Variants in RABGAP1L observed in about 807,000 individuals in gnomAD.
The protein encoded by RABGAP1L is rab GTPase-activating protein 1-like.
In RABGAP1L, 63 loss-of-function variants were observed where a neutral mutation model predicts 137.7. The ratio of observed to expected loss-of-function variants is 0.46; its 90% CI spans 0.37 to 0.56. RABGAP1L has a LOEUF of 0.56. RABGAP1L is among the 20% of genes least tolerant of loss of function. The pLI, the probability that RABGAP1L is intolerant of heterozygous loss-of-function variation, is 0.00. For synonymous variants in RABGAP1L, 431 were observed against 433.7 expected (o/e 0.99, Z 0.08); for missense variants, 1,095 against 1,244.0 (o/e 0.88, Z 1.80).
chr1:174,473,339 A>G (rs1476865774), intron 13 of RABGAP1L, among the ~76,000 whole-genome samples: 3 of 152,108 alleles, frequency 2.0e-5, no homozygotes. Flanking sequence ...CACAATCCCA[A>G]AGCTTTCCTA....
chr1:174,799,866 C>T (rs1688571854), intron 18 of RABGAP1L: 1 of 987,852 alleles, frequency 1.0e-6, no homozygotes, highest in Non-Finnish European at 1.2e-6. Flanking sequence ...CACAACTGCC[C>T]TGGCTTCCTG....
rs1680855570 is a variant in RABGAP1L, at chr1:174,714,686, A to G, written c.2169+12430A>G. Among the ~76,000 whole-genome samples the G allele has an allele frequency of 2.0e-5, 3 of 152,158 alleles. No individual in the cohort carries two copies. The South Asian group carries it at 6.2e-4, about 31-fold the overall frequency. ...TGTAAAGATAGAGGAAATCCAGGAG[A>G]AGTTGAGCAAGTAGACTTCAGGAAG... On this transcript the variant is annotated intron_variant, in intron 17 of 25. Coordinates refer to ENST00000681986, the MANE Select transcript of RABGAP1L (RefSeq NM_001366446.1).
At chr1:174,611,369 T>TA (rs1446674078) in intron 13 of RABGAP1L, among the ~76,000 whole-genome samples, 1 of 152,162 alleles carries the variant, frequency 6.6e-6, no homozygotes, top group Non-Finnish European at 1.5e-5. Flanking sequence ...TAGTTGTAGA[T>TA]ATGTGGTGTT....
rs181797275 is a variant in RABGAP1L, at chr1:174,206,711, C to T, written c.-33-12414C>T. Reference sequence around the variant, plus strand: ...GCACTGAAGGAAATTAGATCACGTGCACTGTGATTGCACACTTTCGAATAT... The same window carrying T: ...GCACTGAAGGAAATTAGATCACGTGTACTGTGATTGCACACTTTCGAATAT... On this transcript the variant is annotated intron_variant, in intron 1 of 25. Transcript: ENST00000681986. Among the ~76,000 whole-genome samples the T allele has an allele frequency of 3.3e-5, 5 of 152,242 alleles. No individual in the cohort carries two copies. In the East Asian group the frequency reaches 9.6e-4, roughly 29 times the overall value.
At chr1:174,866,383 T>A (rs1201995030) in intron 19 of RABGAP1L, among the ~76,000 whole-genome samples, 1 of 152,190 alleles carries the variant, frequency 6.6e-6, no homozygotes, top group Admixed American at 6.6e-5. Context: ...TGAAAATCTT[T>A]TTATTATTTT....
intron 13 of RABGAP1L, among the ~76,000 whole-genome samples, chr1:174,428,402 A>G (rs1437540606): frequency 6.6e-6 from 1 of 152,214 alleles, no homozygotes; most frequent in Non-Finnish European, 1.5e-5. Context: ...TTCTTGTACA[A>G]AGCAAATGTA....
intron 3 of RABGAP1L, among the ~76,000 whole-genome samples, chr1:174,222,336 A>G (rs980226534): frequency 1.4e-4 from 22 of 152,210 alleles, no homozygotes; most frequent in Non-Finnish European, 2.5e-4. Context: ...GAACCAAATG[A>G]ACCTTGGTAC....
intron 18 of RABGAP1L, among the ~76,000 whole-genome samples, chr1:174,755,308 G>C (rs927841804): frequency 2.2e-4 from 34 of 152,126 alleles, no homozygotes; most frequent in African/African-American, 6.8e-4. Context: ...GTGTCCAGTA[G>C]GTAGGTCAGA....
chr1:174,833,813 A>T (rs549339027), intron 19 of RABGAP1L, among the ~76,000 whole-genome samples: 1 of 152,254 alleles, frequency 6.6e-6, no homozygotes, highest in East Asian at 1.9e-4. Flanking sequence ...GATAAATGTT[A>T]CAAAAGGAAA....
chr1:174,164,528 C>T (rs1323107457), intron 1 of RABGAP1L, among the ~76,000 whole-genome samples: 1 of 152,178 alleles, frequency 6.6e-6, no homozygotes, highest in Non-Finnish European at 1.5e-5. Context: ...GCTATAATGG[C>T]TTGCAAGACC....
chr1:174,745,811 G>T (rs1162578805), intron 17 of RABGAP1L, among the ~76,000 whole-genome samples: 1 of 152,068 alleles, frequency 6.6e-6, no homozygotes, highest in African/African-American at 2.4e-5. Context: ...CTCTTCCTAG[G>T]GTGGTATGTT....
intron 13 of RABGAP1L, among the ~76,000 whole-genome samples, chr1:174,476,600 G>T (rs1658537971): frequency 6.6e-6 from 1 of 152,116 alleles, no homozygotes; most frequent in South Asian, 2.1e-4. Flanking sequence ...TGGACATTTG[G>T]CACTATTGGG....
intron 14 of RABGAP1L, among the ~76,000 whole-genome samples, chr1:174,663,456 A>G (rs1277478889): frequency 6.6e-6 from 1 of 152,198 alleles, no homozygotes; most frequent in Non-Finnish European, 1.5e-5. Context: ...TATAGCCTAC[A>G]TGTGTAATAA....
At chr1:174,506,911 C>T (rs1247741561) in intron 13 of RABGAP1L, among the ~76,000 whole-genome samples, 1 of 152,098 alleles carries the variant, frequency 6.6e-6, no homozygotes, top group Non-Finnish European at 1.5e-5. Flanking sequence ...AAGTTCGAGT[C>T]CACCCTGGGC....
chr1:174,906,951 C>G (rs1325319904), intron 19 of RABGAP1L, among the ~76,000 whole-genome samples: 1 of 151,748 alleles, frequency 6.6e-6, no homozygotes, highest in Non-Finnish European at 1.5e-5. Flanking sequence ...AACTATCCTT[C>G]ACATATGAAG....
intron 7 of RABGAP1L, among the ~76,000 whole-genome samples, chr1:174,256,938 C>A (rs1673182435): frequency 6.6e-6 from 1 of 152,184 alleles, no homozygotes; most frequent in Non-Finnish European, 1.5e-5. Context: ...TGCCTTCTCT[C>A]TACATTTTGT....
intron 18 of RABGAP1L, among the ~76,000 whole-genome samples, chr1:174,759,767 AG>A (rs1024682855): frequency 1.3e-5 from 2 of 152,244 alleles, no homozygotes; most frequent in Non-Finnish European, 2.9e-5. Flanking sequence ...AAGATACAGA[AG>A]GGGGAGGTCC....
At chr1:174,408,265 G>A (rs1022503957) in intron 13 of RABGAP1L, among the ~76,000 whole-genome samples, 22 of 152,070 alleles carry the variant, frequency 1.4e-4, no homozygotes, top group Non-Finnish European at 1.5e-5. Context: ...CCATCTTTAT[G>A]TCCATGACTA....
At chr1:174,534,789 A>AT (rs1558316585) in intron 13 of RABGAP1L, among the ~76,000 whole-genome samples, 6 of 150,496 alleles carry the variant, frequency 4.0e-5, no homozygotes, top group Non-Finnish European at 5.9e-5. Context: ...AAAAAAAAAA[A>AT]AAAAAAAAAA....
Sources: allele counts gnomAD v4.1 joint callset (sites outside exome capture counted in the v4.1 genomes callset), GRCh38; gene constraint gnomAD v4.1.1; transcripts MANE v1.5; gene names NCBI Gene and HGNC (gene_info 2026-07-23, HGNC 2026-07-21).